MLIP: variants seen among roughly 807,000 people sequenced by gnomAD.
The protein encoded by MLIP is muscular LMNA-interacting protein.
Under a neutral mutation model 84.8 loss-of-function variants are expected in MLIP, and 79 were observed. That is an observed-to-expected ratio of 0.93 (90% confidence interval 0.78 to 1.12). MLIP has a LOEUF of 1.12. Ranked by LOEUF, MLIP falls within the 50% of genes most tolerant of loss-of-function variation. MLIP has a pLI of 0.00. For missense variants in MLIP, 1,257 were observed against 1,160.6 expected (o/e 1.08, Z -1.21); for synonymous variants, 504 against 463.0 (o/e 1.09, Z -1.14).
intron 12 of MLIP, among the ~76,000 whole-genome samples, chr6:54,244,935 T>A (rs1002410110): frequency 6.6e-6 from 1 of 152,140 alleles, no homozygotes; most frequent in East Asian, 1.9e-4. Context: ...TGGAAAGAGA[T>A]GTATGGCTGC....
At chr6:54,019,003 TTCTC>T (rs1561868301) in exon 1 of MLIP, 3 of 1,583,704 alleles carry the variant, frequency 1.9e-6, no homozygotes, top group African/African-American at 2.7e-5. Context: ...CTCTCAGTCT[TTCTC>T]TCTTTCTCAT....
In MLIP at chr6:54,064,502, C is replaced by G. The variant is rs545424904; in HGVS notation, c.63+45411C>G. 4.9e-4 allele frequency among the ~76,000 whole-genome samples: 49 copies of G among 100,198 alleles called. 7 individuals are homozygous for G. Among genetic ancestry groups the G allele is most frequent in the African/African-American group, 1.2e-3 (47 of 39,274 alleles). The allele number at this position is 100,198 out of a possible 152,430, so 65.7% of individuals were successfully genotyped here. A position where few individuals can be genotyped will look rare whatever the true frequency, so the allele number is the denominator to read the frequency against. On this transcript the variant is annotated intron_variant, in intron 1 of 12. Coordinates refer to the MLIP transcript ENST00000274897. ...AAGAATAAACATATCTCTTCCACCC[C>G]CTAAACACCCACCACCACCGCACCC... is the stretch of plus-strand genomic sequence containing the variant.
At chr6:54,103,877 T>C (rs1768825804) in intron 1 of MLIP, among the ~76,000 whole-genome samples, 1 of 152,178 alleles carries the variant, frequency 6.6e-6, no homozygotes, top group African/African-American at 2.4e-5. Context: ...TGAAACTCAA[T>C]ATGTGACTCT....
At chr6:54,140,584 TAGTATGGACTATGAGAC>T (rs1349800453) in intron 4 of MLIP, among the ~76,000 whole-genome samples, 2 of 152,222 alleles carry the variant, frequency 1.3e-5, no homozygotes, top group African/African-American at 4.8e-5. Flanking sequence ...AAAAATAGAA[TAGTATGGACTATGAGAC>T]AATGCTATTC....
chr6:54,052,664 T>C (rs1428004854), intron 1 of MLIP, among the ~76,000 whole-genome samples: 1 of 152,174 alleles, frequency 6.6e-6, no homozygotes, highest in Non-Finnish European at 1.5e-5. Context: ...TCAAGAATGC[T>C]CTTCTTTCAC....
chr6:54,043,163 G>C lies in MLIP; in HGVS notation c.63+24072G>C, dbSNP rs190398952. ...CTGCTCCCTTTTAGCAGTTAAGTCA[G>C]AGGAGTGGGAACAAGTTCTCCCAAA... On this transcript the variant is annotated intron_variant, in intron 1 of 12. Coordinates refer to the MLIP transcript ENST00000274897. 1.1e-3 allele frequency among the ~76,000 whole-genome samples: 165 copies of C among 152,294 alleles called. 3 individuals are homozygous for C. Among genetic ancestry groups the C allele is most frequent in the African/African-American group, 3.0e-3 (123 of 41,580 alleles).
chr6:54,215,403 C>T, intron 11 of MLIP: 3 of 1,275,612 alleles, frequency 2.4e-6, no homozygotes, highest in Non-Finnish European at 3.0e-6. Context: ...GGAACCCATA[C>T]TAATAAGTAT....
At chr6:54,193,162 C>T (rs1282642323) in intron 10 of MLIP, among the ~76,000 whole-genome samples, 1 of 152,140 alleles carries the variant, frequency 6.6e-6, no homozygotes, top group African/African-American at 2.4e-5. Flanking sequence ...TTTGGAGGTT[C>T]ATGTGAAGCT....
At chr6:54,262,574 T>G (rs528163018) in intron 13 of MLIP, among the ~76,000 whole-genome samples, 1 of 152,146 alleles carries the variant, frequency 6.6e-6, no homozygotes, top group African/African-American at 2.4e-5. Flanking sequence ...TGAGCCAGGC[T>G]TGAGCTAAAG....
intron 1 of MLIP, among the ~76,000 whole-genome samples, chr6:54,044,927 T>C (rs1291294702): frequency 6.6e-6 from 1 of 152,250 alleles, no homozygotes; most frequent in African/African-American, 2.4e-5. Flanking sequence ...AATTTCATAT[T>C]GAAGTTTAAT....
At chr6:54,263,929 G>GTTCA (rs1783540139) in intron 13 of MLIP, among the ~76,000 whole-genome samples, 1 of 152,018 alleles carries the variant, frequency 6.6e-6, no homozygotes, top group Non-Finnish European at 1.5e-5. Flanking sequence ...TTTCTTACAT[G>GTTCA]TTCACCTTTG....
intron 11 of MLIP, among the ~76,000 whole-genome samples, chr6:54,229,455 G>A (rs1326562227): frequency 2.0e-5 from 3 of 152,114 alleles, no homozygotes; most frequent in Admixed American, 1.3e-4. Flanking sequence ...TGCTGCATGG[G>A]TCAGCACAAC....
intron 1 of MLIP, among the ~76,000 whole-genome samples, chr6:54,082,999 A>C (rs1767261946): frequency 6.6e-6 from 1 of 152,122 alleles, no homozygotes; most frequent in Admixed American, 6.5e-5. Flanking sequence ...TTTTCTCATA[A>C]GATTATAAGT....
At chr6:54,025,610 T>G (rs1051370838) in intron 1 of MLIP, among the ~76,000 whole-genome samples, 1 of 152,216 alleles carries the variant, frequency 6.6e-6, no homozygotes, top group Non-Finnish European at 1.5e-5. Flanking sequence ...TCTCTGCTAC[T>G]CATAAGAGTA....
intron 1 of MLIP, among the ~76,000 whole-genome samples, chr6:54,053,511 A>G (rs1765486703): frequency 6.6e-6 from 1 of 152,216 alleles, no homozygotes; most frequent in Non-Finnish European, 1.5e-5. Context: ...AAATCTCATT[A>G]TAAAGTTCAA....
intron 3 of MLIP, among the ~76,000 whole-genome samples, chr6:54,132,451 A>G (rs1490461611): frequency 6.6e-6 from 1 of 152,188 alleles, no homozygotes; most frequent in Non-Finnish European, 1.5e-5. Context: ...TTTTTCATTC[A>G]TCTTTCCTTA....
chr6:54,182,795 T>A (rs1262917262), intron 9 of MLIP, among the ~76,000 whole-genome samples: 3 of 152,188 alleles, frequency 2.0e-5, no homozygotes, highest in Non-Finnish European at 4.4e-5. Flanking sequence ...AAGAATAACC[T>A]CTGAAAATAG....
At chr6:54,212,667 C>T (rs1003601092) in intron 11 of MLIP, among the ~76,000 whole-genome samples, 1 of 152,012 alleles carries the variant, frequency 6.6e-6, no homozygotes, top group East Asian at 1.9e-4. Flanking sequence ...CTATTCACTT[C>T]CTGTTTGTAT....
chr6:54,227,864 A>G (rs910624493), intron 11 of MLIP, among the ~76,000 whole-genome samples: 2 of 152,162 alleles, frequency 1.3e-5, no homozygotes, highest in African/African-American at 4.8e-5. Flanking sequence ...GAAAACCAAA[A>G]AAATGTAAGA....
Sources: gnomAD v4.1 joint callset for allele counts (sites outside exome capture counted in the v4.1 genomes callset) on GRCh38, gnomAD v4.1.1 for gene constraint, MANE v1.5 for transcripts, NCBI Gene and HGNC (gene_info 2026-07-23, HGNC 2026-07-21) for gene names.